The following MGAT5 variants were observed in gnomAD, a reference collection of about 807,000 sequenced individuals.
The protein encoded by MGAT5 is alpha-1,6-mannosylglycoprotein 6-beta-N-acetylglucosaminyltransferase, also known as alpha-1,6-mannosylglycoprotein 6-beta-N-acetylglucosaminyltransferase A.
A neutral mutation model predicts 94.3 loss-of-function variants in MGAT5; 30 were observed. The observed-to-expected ratio is 0.32, with a 90% CI of 0.24 to 0.43. MGAT5 has a LOEUF of 0.43. MGAT5 is among the 20% of genes least tolerant of loss of function. The probability of loss-of-function intolerance (pLI) is 1.00; values close to 1 mark genes in which losing one functional copy is unlikely to be tolerated. For synonymous variants in MGAT5, 310 were observed against 322.9 expected, an observed-to-expected ratio of 0.96 and a Z score of 0.43; for missense variants, 691 against 905.5, an observed-to-expected ratio of 0.76 and a Z score of 3.04.
intron 1 of MGAT5, among the ~76,000 whole-genome samples, chr2:134,122,845 G>A (rs902885556): frequency 6.6e-6 from 1 of 152,258 alleles, no homozygotes; most frequent in Non-Finnish European, 1.5e-5. Context: ...AATGGCAGGA[G>A]GGGTGGAGGG....
chr2:134,399,366 C>G (rs1682904509), intron 10 of MGAT5, among the ~76,000 whole-genome samples: 1 of 152,172 alleles, frequency 6.6e-6, no homozygotes, highest in South Asian at 2.1e-4. Flanking sequence ...TGAACATGTA[C>G]CTGCCTCCAG....
At chr2:134,341,094 G>A (rs556002219) in intron 6 of MGAT5, among the ~76,000 whole-genome samples, 3 of 152,254 alleles carry the variant, frequency 2.0e-5, no homozygotes, top group Admixed American at 1.3e-4. Flanking sequence ...TTTGTTTTGA[G>A]ATAATCTAGA....
chr2:134,209,023 G>A (rs1315955037), intron 1 of MGAT5, among the ~76,000 whole-genome samples: 1 of 152,162 alleles, frequency 6.6e-6, no homozygotes, highest in African/African-American at 2.4e-5. Flanking sequence ...TGCATGGGAA[G>A]ACCCAGACCT....
At position 134,447,455 on chromosome 2, in the gene MGAT5, A is replaced by G. The variant is rs184092467; in HGVS notation, c.2028-1194A>G. On this transcript the variant is annotated intron_variant, in intron 15 of 15. Coordinates refer to ENST00000281923, the MANE Select transcript of MGAT5 (RefSeq NM_002410.5). ...GTAGAAGCACTAACTTAATTCCTGC[A>G]GTAAAGAATCATTTATCCCCATTCT... 1.9e-4 allele frequency among the ~76,000 whole-genome samples: 29 copies of G among 152,348 alleles called. No individual in the cohort carries two copies. The South Asian group carries it at 3.9e-3, about 21-fold the overall frequency.
At chr2:134,298,433 G>C (rs945357761) in intron 2 of MGAT5, among the ~76,000 whole-genome samples, 6 of 151,980 alleles carry the variant, frequency 3.9e-5, no homozygotes, top group African/African-American at 1.5e-4. Flanking sequence ...TAAAAATTAT[G>C]GTGTTTATAA....
intron 1 of MGAT5, among the ~76,000 whole-genome samples, chr2:134,264,608 TA>T (rs1683575205): frequency 6.6e-6 from 1 of 152,072 alleles, no homozygotes; most frequent in South Asian, 2.1e-4. Context: ...TTGTACATAA[TA>T]AATGGACTGT....
chr2:134,317,641 A>C (rs771938945), intron 3 of MGAT5, 36 bp downstream of exon 3: 2 of 1,357,800 alleles, frequency 1.5e-6, no homozygotes, highest in South Asian at 2.9e-5. Flanking sequence ...CAATCTGCAC[A>C]AACACCCCTT....
At chr2:134,433,743 A>G (rs994640999) in intron 14 of MGAT5, among the ~76,000 whole-genome samples, 8 of 152,140 alleles carry the variant, frequency 5.3e-5, no homozygotes, top group African/African-American at 1.9e-4. Context: ...TCTCAGCTGT[A>G]ACACAGATAA....
At chr2:134,215,250 C>T (rs1478892250) in intron 1 of MGAT5, among the ~76,000 whole-genome samples, 3 of 152,200 alleles carry the variant, frequency 2.0e-5, no homozygotes, top group Non-Finnish European at 4.4e-5. Context: ...ATGATATACA[C>T]ATTGCCATTG....
chr2:134,124,765 A>C (rs1433367311), intron 1 of MGAT5, among the ~76,000 whole-genome samples: 7 of 152,220 alleles, frequency 4.6e-5, no homozygotes, highest in African/African-American at 1.7e-4. Context: ...CAATAGGTTT[A>C]CTTTTTAAAA....
At chr2:134,214,418 G>C (rs1487177552) in intron 1 of MGAT5, among the ~76,000 whole-genome samples, 1 of 152,164 alleles carries the variant, frequency 6.6e-6, no homozygotes, top group Non-Finnish European at 1.5e-5. Context: ...GAATTGTCTT[G>C]GGCCACACAT....
At chr2:134,416,472 T>TA (rs1683974371) in intron 12 of MGAT5, among the ~76,000 whole-genome samples, 2 of 150,272 alleles carry the variant, frequency 1.3e-5, no homozygotes, top group African/African-American at 5.0e-5. Context: ...TCTCATTCCT[T>TA]ACTTTTTTTT....
At position 134,239,993 on chromosome 2, in the gene MGAT5, T is replaced by C. The variant is rs192520885; in HGVS notation, c.-142-14269T>C. On this transcript the variant is annotated intron_variant, in intron 1 of 16. Transcript: ENST00000409645. ...GCACTGTCAGTTATGTTGTAGTGTG[T>C]CGATCTAGTAAAATCCAACTGGTTG... is the stretch of plus-strand genomic sequence containing the variant. Among the ~76,000 whole-genome samples the C allele has an allele frequency of 4.3e-4, 65 of 152,230 alleles. 2 individuals carry two copies. In the East Asian group the frequency reaches 0.01, roughly 24 times the overall value.
In MGAT5 at chr2:134,162,030, T is replaced by TA. The variant is rs199936187; in HGVS notation, c.-143+41749dup. Among the ~76,000 whole-genome samples the TA allele has an allele frequency of 5.0e-3, 738 of 148,806 alleles. 2 individuals carry two copies. The highest frequency in any genetic ancestry group is 0.013 in the South Asian group (61 of 4,662). ...ACATGGTGAAACCCTGGCTGTCCTT[T>TA]AAAAAAAAAATTAGCTGGTCATGGT... On this transcript the variant is annotated intron_variant, in intron 1 of 16. Transcript: ENST00000409645.
rs1553490380 is a variant in MGAT5, at chr2:134,189,602, G to GTTTTGTTTTGTTTTTTTT, written c.-142-64656_-142-64655insGTTTTGTTTTTTTTTTTT. On this transcript the variant is annotated intron_variant, in intron 1 of 16. Coordinates refer to the MGAT5 transcript ENST00000409645. ...AACCTCATGGCTCTAGTTTTTTTTT[G>GTTTTGTTTTGTTTTTTTT]TTTTTTTTTTTTTTTTTTAAGACAG... Among the ~76,000 whole-genome samples the GTTTTGTTTTGTTTTTTTT allele has an allele frequency of 4.8e-4, 41 of 84,644 alleles. 1 individual carries two copies. The highest frequency in any genetic ancestry group is 6.6e-4 in the East Asian group (2 of 3,044). 55.5% of individuals were successfully genotyped at this position (84,644 alleles called of 152,430 possible).
chr2:134,215,465 G>A (rs1680444385), intron 1 of MGAT5, among the ~76,000 whole-genome samples: 1 of 152,170 alleles, frequency 6.6e-6, no homozygotes, highest in Non-Finnish European at 1.5e-5. Flanking sequence ...GCATCAAGAC[G>A]TGGTGGAAAA....
chr2:134,435,964 T>G (rs1272631166), intron 14 of MGAT5, among the ~76,000 whole-genome samples: 1 of 152,232 alleles, frequency 6.6e-6, no homozygotes, highest in Non-Finnish European at 1.5e-5. Flanking sequence ...AGTTGTGCCC[T>G]AAAAGCAGCT....
At chr2:134,434,452 T>C (rs1206204013) in intron 14 of MGAT5, among the ~76,000 whole-genome samples, 2 of 152,246 alleles carry the variant, frequency 1.3e-5, no homozygotes, top group African/African-American at 4.8e-5. Context: ...ATGCAGATGT[T>C]CTGTGTTCTA....
rs182988520 is a variant in MGAT5, at chr2:134,256,815, A to C, written c.241+2171A>C. ...CAACAAAGAAACAATCAAACAGGTC[A>C]CATCAGCAACTCTAACTGACACTGC... On this transcript the variant is annotated intron_variant, in intron 1 of 15. Transcript: ENST00000281923. Among the ~76,000 whole-genome samples, 261 of 152,372 alleles carry C rather than the reference A, an allele frequency of 1.7e-3. 3 individuals are homozygous for C. Among genetic ancestry groups the C allele is most frequent in the Non-Finnish European group, 4.7e-4 (32 of 68,040 alleles).
Sources: allele counts gnomAD v4.1 joint callset (sites outside exome capture counted in the v4.1 genomes callset), GRCh38; gene constraint gnomAD v4.1.1; transcripts MANE v1.5; gene names NCBI Gene and HGNC (gene_info 2026-07-23, HGNC 2026-07-21).